ZNF683: variants seen among roughly 807,000 people sequenced by gnomAD.
ZNF683 encodes the protein tissue-resident T-cell transcription regulator protein ZNF683.
Under a neutral mutation model 31.4 loss-of-function variants are expected in ZNF683, and 20 were observed. The ratio of observed to expected loss-of-function variants is 0.64; its 90% CI spans 0.45 to 0.93. ZNF683 has a LOEUF of 0.93. ZNF683 is among the 40% of genes least tolerant of loss of function. The pLI is 0.00. For missense variants in ZNF683, 621 were observed against 637.2 expected (o/e 0.97, Z 0.27); for synonymous variants, 264 against 267.6 (o/e 0.99, Z 0.13).
intron 1 of ZNF683, chr1:26,372,410 A>G: frequency 1.8e-6 from 2 of 1,105,372 alleles, no homozygotes; most frequent in Non-Finnish European, 2.5e-6. Flanking sequence ...GGCAAAAGGT[A>G]CCTCCCATTA....
At position 26,364,606 on chromosome 1, in the gene ZNF683, T is replaced by G; in HGVS notation, c.940A>C (p.Lys314Gln). 3 of 1,614,018 alleles carry G rather than the reference T, an allele frequency of 1.9e-6. No individual in the cohort carries two copies. The highest frequency in any genetic ancestry group is 2.5e-6 in the Non-Finnish European group (3 of 1,179,894). ...TACAGGATTTTGCCATTCTTCTTTT[T>G]CAGCGGGTAAGGCAAGGCTGCGGTG... ...TGTAALPYPL[K>Q]KKNGKILYEC... Residue 314 changes from lysine (K) to glutamine (Q), a missense_variant, in exon 4 of 6, where the codon AAA (lysine) becomes CAA (glutamine). By Grantham distance (53) the Lys-to-Gln change is moderately conservative. Coordinates refer to ENST00000349618, the MANE Select transcript of ZNF683 (RefSeq NM_001114759.3).
At position 26,363,160 on chromosome 1, in the gene ZNF683, T is replaced by C. The variant is rs778469458; in HGVS notation, c.1015-6A>G. The C allele has an allele frequency of 1.2e-6, 2 of 1,601,110 alleles. No individual in the cohort carries two copies. The highest frequency in any genetic ancestry group is 2.2e-5 in the South Asian group (2 of 90,450). ...CTGTGCACACGCAGGTGGACCTGAG[T>C]CAGATGCGGGATAAATGCTGCCAAC... On this transcript the variant is annotated splice_polypyrimidine_tract_variant and splice_region_variant and intron_variant, in intron 4 of 5. Coordinates refer to ENST00000349618, the MANE Select transcript of ZNF683 (RefSeq NM_001114759.3).
In ZNF683 at chr1:26,364,628, G is replaced by A. The variant is rs1456238763; in HGVS notation, c.918C>T (p.Thr306=). The A allele has an allele frequency of 6.8e-6, 11 of 1,613,876 alleles. No homozygotes were observed. The highest frequency in any genetic ancestry group is 5.5e-5 in the South Asian group (5 of 91,084). The change falls in exon 4 of 6, where the codon ACC becomes ACT. Residue 306 remains threonine, a synonymous_variant. Transcript: ENST00000349618. The part of the protein sequence containing the change: ...KRVPLSSQTG[T]AALPYPLKKK... Reference sequence around the variant, plus strand: ...TTTTCAGCGGGTAAGGCAAGGCTGCGGTGCCTGTCTGGGAACTCAATGGGA... The same window carrying A: ...TTTTCAGCGGGTAAGGCAAGGCTGCAGTGCCTGTCTGGGAACTCAATGGGA...
Position 26,367,636 on chromosome 1 carries a change from C to T in ZNF683, c.276G>A (p.Leu92=). Reference sequence around the variant, plus strand: ...CTTGGAGGCCCTGCAGGTCTGTGCCCAGGGGTGCCGGCTGTGGGGTGCACA... The same window carrying T: ...CTTGGAGGCCCTGCAGGTCTGTGCCTAGGGGTGCCGGCTGTGGGGTGCACA... ...LNLCTPQPAP[L]GTDLQGLQED... Residue 92 remains leucine, a synonymous_variant, in exon 3 of 6, where the codon CTG becomes CTA. Transcript: ENST00000349618. The T allele has an allele frequency of 2.5e-6, 4 of 1,612,098 alleles. No individual in the cohort carries two copies. Among genetic ancestry groups the T allele is most frequent in the African/African-American group, 2.7e-5 (2 of 74,982 alleles).
intron 1 of ZNF683, chr1:26,370,499 G>T: frequency 3.5e-6 from 1 of 287,416 alleles, no homozygotes; most frequent in Non-Finnish European, 5.2e-6. Flanking sequence ...GTCACCTCAG[G>T]GACCACTCTT....
In ZNF683 at chr1:26,362,034, G is replaced by C; in HGVS notation, c.1144-12C>G. The C allele has an allele frequency of 6.2e-7, 1 of 1,613,874 alleles. No individual in the cohort carries two copies. Among genetic ancestry groups the C allele is most frequent in the Non-Finnish European group, 8.5e-7 (1 of 1,179,744 alleles). ...CGCTTGTGGCACACCTGACGGGAAC[G>C]AGCACTGGCATCAGCTTTGTCCTCT... On this transcript the variant is annotated splice_polypyrimidine_tract_variant and intron_variant, in intron 5 of 5. Transcript: ENST00000349618.
At position 26,368,480 on chromosome 1, in the gene ZNF683, A is replaced by T. The variant is rs138157328; in HGVS notation, c.92T>A (p.Phe31Tyr). Reference protein sequence around the residue: ...TGGSLSPSLDFQLFRGDQVFS... With the variant: ...TGGSLSPSLDYQLFRGDQVFS... Reference sequence around the variant, plus strand: ...TACCTGGTCACCTCGGAAGAGCTGGAAGTCCAGGCTGGGGGACAGGGAGCC... The same window carrying T: ...TACCTGGTCACCTCGGAAGAGCTGGTAGTCCAGGCTGGGGGACAGGGAGCC... Residue 31 changes from phenylalanine to tyrosine, a missense_variant, in exon 2 of 6, where the codon TTC becomes TAC. Physicochemically the swap from Phe to Tyr is conservative, Grantham distance 22. Coordinates refer to ENST00000349618, the MANE Select transcript of ZNF683 (RefSeq NM_001114759.3). 3.2e-5 allele frequency: 51 copies of T among 1,596,972 alleles called. No homozygotes were observed. The highest frequency in any genetic ancestry group is 4.1e-5 in the Non-Finnish European group (48 of 1,172,320).
intron 1 of ZNF683, among the ~76,000 whole-genome samples, chr1:26,372,283 G>A (rs991379705): frequency 1.3e-5 from 2 of 152,188 alleles, no homozygotes; most frequent in African/African-American, 4.8e-5. Flanking sequence ...ACATGTTTGT[G>A]AGCATCTCAA....
At chr1:26,362,108 T>C in intron 5 of ZNF683, 86 bp from the exon 6 acceptor site, 2 of 1,473,582 alleles carry the variant, frequency 1.4e-6, no homozygotes, top group Non-Finnish European at 1.9e-6. Flanking sequence ...GAAATACCCA[T>C]GACCCACCTC....
At chr1:26,367,851 C>T (rs1339369127) in intron 2 of ZNF683, 54 bp from the exon 3 acceptor site, 1 of 1,385,378 alleles carries the variant, frequency 7.2e-7, no homozygotes. Context: ...TCCATGGGTC[C>T]CTTAGATGGC....
In ZNF683 at chr1:26,367,729, C is replaced by G; in HGVS notation, c.183G>C (p.Leu61=). Residue 61 remains leucine (L), a synonymous_variant, in exon 3 of 6, where the codon CTG becomes CTC. Transcript: ENST00000349618. ...DAHGPSCASW[L]CPLPLAPGRS... ...TGCCCGGTGCCAGGGGCAAGGGACA[C>G]AGCCAGCTGGCACAGGATGGGCCAT... 1.2e-6 allele frequency: 2 copies of G among 1,610,236 alleles called. No homozygotes were observed. Among genetic ancestry groups the G allele is most frequent in the Non-Finnish European group, 1.7e-6 (2 of 1,177,930 alleles).
intron 3 of ZNF683, among the ~76,000 whole-genome samples, chr1:26,366,342 C>CAAAAAAAAAAAAAAAAA (rs1173737722): frequency 4.3e-5 from 3 of 69,000 alleles, no homozygotes; most frequent in African/African-American, 1.4e-4. Flanking sequence ...CAGCCTATCT[C>CAAAAAAAAAAAAAAAAA]AAAAAAAAAA....
At chr1:26,362,740 A>T (rs1216969949) in intron 5 of ZNF683, among the ~76,000 whole-genome samples, 1 of 152,150 alleles carries the variant, frequency 6.6e-6, no homozygotes, top group Non-Finnish European at 1.5e-5. Context: ...CTCTGGGTAC[A>T]CTATAGCATT....
In ZNF683 at chr1:26,361,764, C is replaced by A; in HGVS notation, c.1402G>T (p.Gly468Cys). The A allele has an allele frequency of 6.2e-7, 1 of 1,614,064 alleles. No individual in the cohort carries two copies. Among genetic ancestry groups the A allele is most frequent in the Non-Finnish European group, 8.5e-7 (1 of 1,179,906 alleles). ...ACTTTGACCTCATCTATGTCATAGCCCATGTGTTTCTCAGATGCCACCGCC... is the reference window on the plus strand; with the variant it reads ...ACTTTGACCTCATCTATGTCATAGCACATGTGTTTCTCAGATGCCACCGCC... ...LMAVASEKHM[G>C]YDIDEVKVSS... Residue 468 changes from glycine (G) to cysteine (C), a missense_variant, in exon 6 of 6, where the codon GGC (glycine) becomes TGC (cysteine). Coordinates refer to ENST00000349618, the MANE Select transcript of ZNF683 (RefSeq NM_001114759.3).
At position 26,361,814 on chromosome 1, in the gene ZNF683, CAT is replaced by C; in HGVS notation, c.1350_1351del (p.Trp451AlafsTer13). The C allele has an allele frequency of 6.2e-7, 1 of 1,614,070 alleles. No individual in the cohort carries two copies. The highest frequency in any genetic ancestry group is 8.5e-7 in the Non-Finnish European group (1 of 1,179,904). On this transcript the variant is annotated frameshift_variant, in exon 6 of 6. Transcript: ENST00000349618. LOFTEE classifies it low-confidence loss of function (END_TRUNC). The stretch of plus-strand genomic sequence containing the variant: ...CATAAGATCTAGTGCCCCCTGGTGC[CAT>C]TGGGCAAGGCAGGCCAGAGAGGCCA...
At chr1:26,367,347 C>T (rs1464742662) in intron 3 of ZNF683, among the ~76,000 whole-genome samples, 1 of 152,194 alleles carries the variant, frequency 6.6e-6, no homozygotes, top group Non-Finnish European at 1.5e-5. Flanking sequence ...GCTATACCTA[C>T]ATCAGCTCCC....
Position 26,364,659 on chromosome 1 carries a change from T to C in ZNF683, c.887A>G (p.Lys296Arg). Residue 296 changes from lysine to arginine, a missense_variant, in exon 4 of 6, where the codon AAG becomes AGG. Coordinates refer to ENST00000349618, the MANE Select transcript of ZNF683 (RefSeq NM_001114759.3). ...LERGGMASPA[K>R]RVPLSSQTGT... is the part of the protein sequence containing the mutation. Reference sequence around the variant, plus strand: ...TGTCTGGGAACTCAATGGGACCCGCTTTGCTGGAGATGCCATGCCACCACG... The same window carrying C: ...TGTCTGGGAACTCAATGGGACCCGCCTTGCTGGAGATGCCATGCCACCACG... 6.2e-7 allele frequency: 1 copy of C among 1,613,996 alleles called. No homozygotes were observed. Among genetic ancestry groups the C allele is most frequent in the Non-Finnish European group, 8.5e-7 (1 of 1,179,888 alleles).
At chr1:26,369,302 A>G (rs2074607407) in intron 1 of ZNF683, among the ~76,000 whole-genome samples, 1 of 152,110 alleles carries the variant, frequency 6.6e-6, no homozygotes, top group African/African-American at 2.4e-5. Flanking sequence ...AGGCAGATGG[A>G]TCACCTGAGG....
chr1:26,372,512 C>A, intron 1 of ZNF683, 157 bp downstream of exon 1: 1 of 1,304,894 alleles, frequency 7.7e-7, no homozygotes, highest in South Asian at 1.2e-5. Context: ...GATGTCCCCA[C>A]CCAGAAGGGG....
Sources: allele counts gnomAD v4.1 joint callset (sites outside exome capture counted in the v4.1 genomes callset), GRCh38; gene constraint gnomAD v4.1.1; transcripts MANE v1.5; gene names NCBI Gene and HGNC (gene_info 2026-07-23, HGNC 2026-07-21).